ZNF385D: variants seen among roughly 807,000 people sequenced by gnomAD.
ZNF385D encodes the protein zinc finger protein 385D.
Under a neutral mutation model 35.8 loss-of-function variants are expected in ZNF385D, and 15 were observed. The observed-to-expected ratio is 0.42, with a 90% confidence interval of 0.28 to 0.64. ZNF385D has a LOEUF of 0.64. Ranked by LOEUF, ZNF385D falls within the 30% of genes least tolerant of loss-of-function variation. ZNF385D has a pLI of 0.23. For synonymous variants in ZNF385D, 212 were observed against 186.8 expected, an observed-to-expected ratio of 1.13 and a Z score of -1.10; for missense variants, 474 against 494.6, an observed-to-expected ratio of 0.96 and a Z score of 0.39.
intron 3 of ZNF385D, among the ~76,000 whole-genome samples, chr3:22,148,444 T>C (rs1425900441): frequency 1.3e-5 from 2 of 152,190 alleles, no homozygotes; most frequent in Non-Finnish European, 2.9e-5. Context: ...AATCCATTCA[T>C]GGAAAACCTG....
chr3:21,506,997 A>G (rs920559707), intron 4 of ZNF385D, among the ~76,000 whole-genome samples: 2 of 152,094 alleles, frequency 1.3e-5, no homozygotes, highest in Non-Finnish European at 2.9e-5. Flanking sequence ...CAAGATCATA[A>G]AGTTAGTGAA....
intron 2 of ZNF385D, among the ~76,000 whole-genome samples, chr3:22,298,449 A>G (rs1702718511): frequency 7.6e-6 from 1 of 131,514 alleles, no homozygotes; most frequent in African/African-American, 2.7e-5. Flanking sequence ...TACATAAAAT[A>G]TTTATATATA....
At chr3:22,045,618 G>A (rs1698949438) in intron 3 of ZNF385D, among the ~76,000 whole-genome samples, 2 of 151,960 alleles carry the variant, frequency 1.3e-5, no homozygotes, top group South Asian at 4.1e-4. Flanking sequence ...AGTTTTCTGT[G>A]GGTTTTACTC....
intron 2 of ZNF385D, among the ~76,000 whole-genome samples, chr3:22,306,855 T>C (rs558582437): frequency 6.6e-6 from 1 of 152,242 alleles, no homozygotes; most frequent in African/African-American, 2.4e-5. Context: ...AGATATTATA[T>C]CCCAGAAGAA....
At chr3:22,316,998 T>C (rs531981584) in intron 2 of ZNF385D, among the ~76,000 whole-genome samples, 2 of 151,922 alleles carry the variant, frequency 1.3e-5, no homozygotes, top group African/African-American at 4.8e-5. Flanking sequence ...CAATTGTCGG[T>C]GGGGAGCAGT....
At chr3:22,057,552 C>T (rs1255493909) in intron 3 of ZNF385D, among the ~76,000 whole-genome samples, 2 of 151,382 alleles carry the variant, frequency 1.3e-5, no homozygotes, top group Non-Finnish European at 2.9e-5. Flanking sequence ...CTTTGTTGCC[C>T]AGGCTGGAGT....
chr3:21,675,975 T>C (rs1276672977), intron 1 of ZNF385D, among the ~76,000 whole-genome samples: 1 of 152,100 alleles, frequency 6.6e-6, no homozygotes, highest in Non-Finnish European at 1.5e-5. Context: ...TGATTGTGAA[T>C]GTTTTCACTC....
chr3:21,570,122 A>C (rs981350944), intron 2 of ZNF385D, among the ~76,000 whole-genome samples: 3 of 151,878 alleles, frequency 2.0e-5, no homozygotes, highest in Non-Finnish European at 4.4e-5. Context: ...TTAATCAACT[A>C]CCCAAACAAA....
At chr3:22,153,478 T>C (rs1231780511) in intron 3 of ZNF385D, among the ~76,000 whole-genome samples, 3 of 150,172 alleles carry the variant, frequency 2.0e-5, no homozygotes, top group African/African-American at 7.4e-5. Context: ...TTTTTTTTTT[T>C]TTTTTGAGAC....
chr3:22,185,214 C>T (rs994984633), intron 2 of ZNF385D, among the ~76,000 whole-genome samples: 1 of 151,902 alleles, frequency 6.6e-6, no homozygotes, highest in Non-Finnish European at 1.5e-5. Context: ...ATGTATAGAT[C>T]AATAATAACG....
intron 3 of ZNF385D, among the ~76,000 whole-genome samples, chr3:22,087,795 G>GA (rs1474325536): frequency 6.6e-6 from 1 of 152,124 alleles, no homozygotes; most frequent in Non-Finnish European, 1.5e-5. Flanking sequence ...GGAAAAAGAA[G>GA]ATGTAACAGT....
At chr3:21,959,381 A>G (rs1224695462) in intron 3 of ZNF385D, among the ~76,000 whole-genome samples, 1 of 152,172 alleles carries the variant, frequency 6.6e-6, no homozygotes, top group Non-Finnish European at 1.5e-5. Flanking sequence ...TTGTCCAGCC[A>G]AAACGGTAAG....
intron 3 of ZNF385D, among the ~76,000 whole-genome samples, chr3:21,781,708 TTATTA>T (rs2071495862): frequency 6.6e-6 from 1 of 151,972 alleles, no homozygotes; most frequent in African/African-American, 2.4e-5. Context: ...CTTGTTATTA[TTATTA>T]TGACACTCAA....
chr3:21,936,051 A>T (rs1167510384), intron 3 of ZNF385D, among the ~76,000 whole-genome samples: 5 of 152,094 alleles, frequency 3.3e-5, no homozygotes, highest in Non-Finnish European at 7.4e-5. Flanking sequence ...GTGCTGAATG[A>T]ATTGGAGTAG....
chr3:21,686,180 A>T (rs1004486790), intron 1 of ZNF385D, among the ~76,000 whole-genome samples: 1 of 152,186 alleles, frequency 6.6e-6, no homozygotes, highest in Admixed American at 6.5e-5. Flanking sequence ...TTAGTTGTAG[A>T]TATTTTAGGA....
intron 3 of ZNF385D, among the ~76,000 whole-genome samples, chr3:22,012,461 C>G (rs928320100): frequency 2.6e-5 from 4 of 152,128 alleles, no homozygotes; most frequent in Non-Finnish European, 5.9e-5. Context: ...CTCTCCCTCC[C>G]TCTGTAACTC....
At chr3:22,032,997 T>G (rs1406444167) in intron 3 of ZNF385D, among the ~76,000 whole-genome samples, 3 of 152,164 alleles carry the variant, frequency 2.0e-5, no homozygotes, top group South Asian at 2.1e-4. Context: ...CTCTTGCTCT[T>G]AGACCCTGTG....
At chr3:22,190,332 C>T (rs1460782496) in intron 2 of ZNF385D, among the ~76,000 whole-genome samples, 2 of 152,174 alleles carry the variant, frequency 1.3e-5, no homozygotes, top group Non-Finnish European at 2.9e-5. Flanking sequence ...CAACTGTGCC[C>T]TCTTGATGAC....
At chr3:21,918,031 T>C (rs1015063556) in intron 3 of ZNF385D, among the ~76,000 whole-genome samples, 2 of 152,328 alleles carry the variant, frequency 1.3e-5, no homozygotes, top group Middle Eastern at 3.4e-3. Flanking sequence ...GGGAGGACTT[T>C]TGTGCTTTGA....
Sources: allele counts gnomAD v4.1 joint callset (sites outside exome capture counted in the v4.1 genomes callset), GRCh38; gene constraint gnomAD v4.1.1; transcripts MANE v1.5; gene names NCBI Gene and HGNC (gene_info 2026-07-23, HGNC 2026-07-21).